Variants in MRPS31 observed in about 807,000 individuals in gnomAD.
MRPS31 encodes the protein mitochondrial ribosomal protein S31, also known as small ribosomal subunit protein mS31.
A neutral mutation model predicts 43.1 loss-of-function variants in MRPS31; 32 were observed. The observed-to-expected ratio is 0.74, with a 90% CI of 0.56 to 1.00. The LOEUF (loss-of-function observed/expected upper bound fraction) is 1.00. Among genes scored for constraint, MRPS31 ranks in the 50% least tolerant of loss-of-function variants. MRPS31 has a pLI of 0.00. For missense variants in MRPS31, 437 were observed against 466.7 expected (o/e 0.94, Z 0.59); for synonymous variants, 165 against 161.6 (o/e 1.02, Z -0.16).
Position 40,767,042 on chromosome 13 carries a change from A to G in MRPS31, c.153-9T>C. ...GGATGTTATTTTTTGTCCTGGAAAG[A>G]TGCATTAAAGAAAAAAATGAAAAAT... On this transcript the variant is annotated splice_polypyrimidine_tract_variant and intron_variant, in intron 1 of 6. Transcript: ENST00000323563. The G allele has an allele frequency of 1.9e-6, 3 of 1,587,386 alleles. No homozygotes were observed. Among genetic ancestry groups the G allele is most frequent in the Non-Finnish European group, 2.6e-6 (3 of 1,170,714 alleles).
intron 4 of MRPS31, 41 bp from the exon 5 acceptor site, chr13:40,754,133 T>C: frequency 8.9e-7 from 1 of 1,127,814 alleles, no homozygotes. Context: ...ATGAATATAT[T>C]TTAAACTGTC....
chr13:40,753,758 G>A (rs1210303499), intron 5 of MRPS31, among the ~76,000 whole-genome samples: 1 of 152,230 alleles, frequency 6.6e-6, no homozygotes. Context: ...GGAATGTCCA[G>A]TATGTAATGT....
At chr13:40,736,995 TAA>T (rs2137995328) in intron 6 of MRPS31, among the ~76,000 whole-genome samples, 2 of 151,440 alleles carry the variant, frequency 1.3e-5, no homozygotes, top group Non-Finnish European at 3.0e-5. Flanking sequence ...GCAAATTGGA[TAA>T]AGAGTCAAGA....
chr13:40,753,942 A>G (rs1311292377), intron 5 of MRPS31, 77 bp downstream of exon 5: 10 of 913,698 alleles, frequency 1.1e-5, no homozygotes, highest in African/African-American at 1.7e-5. Flanking sequence ...AAAATATCCA[A>G]ACTATTAGAA....
Position 40,729,229 on chromosome 13 carries a change from A to G in MRPS31, c.*143T>C. Reference sequence around the variant, plus strand: ...CATGCAAGAATATTTTTCAGTTACCATCATATTTTTGAAAACAATGTAACA... The same window carrying G: ...CATGCAAGAATATTTTTCAGTTACCGTCATATTTTTGAAAACAATGTAACA... On this transcript the variant is annotated 3_prime_UTR_variant, in exon 7 of 7. Coordinates refer to ENST00000323563, the MANE Select transcript of MRPS31 (RefSeq NM_005830.4). 3.9e-6 allele frequency: 2 copies of G among 515,392 alleles called. No individual in the cohort carries two copies. The highest frequency in any genetic ancestry group is 6.8e-6 in the Non-Finnish European group (2 of 296,066). The allele number at this position is 515,392 out of a possible 1,614,324, so 31.9% of individuals were successfully genotyped here. A position where few individuals can be genotyped will look rare whatever the true frequency, so the allele number is the denominator to read the frequency against.
chr13:40,734,131 G>A (rs1390766682), intron 6 of MRPS31, among the ~76,000 whole-genome samples: 3 of 152,048 alleles, frequency 2.0e-5, no homozygotes, highest in African/African-American at 2.4e-5. Flanking sequence ...AGACAATGGA[G>A]CAAAGGCTTA....
intron 2 of MRPS31, among the ~76,000 whole-genome samples, chr13:40,766,230 T>C (rs1880840924): frequency 1.3e-5 from 2 of 152,236 alleles, no homozygotes; most frequent in Admixed American, 1.3e-4. Flanking sequence ...CTGGATTGTG[T>C]ACAGATATCC....
chr13:40,729,474 T>G lies in MRPS31; in HGVS notation c.1086A>C (p.Pro362=). The G allele has an allele frequency of 6.2e-7, 1 of 1,612,904 alleles. No homozygotes were observed. Among genetic ancestry groups the G allele is most frequent in the African/African-American group, 1.3e-5 (1 of 75,026 alleles). The stretch of plus-strand genomic sequence containing the variant: ...CAACCTTCTGTTTAACACTAAGATA[T>G]GGGTTTTTGGAAAGGCCACAAGTCA... ...ELVTCGLSKN[P]YLSVKQKVEH... Residue 362 remains proline, a synonymous_variant, in exon 7 of 7, where the codon CCA becomes CCC. Transcript: ENST00000323563.
chr13:40,750,417 C>T (rs1328816392), intron 5 of MRPS31, among the ~76,000 whole-genome samples: 1 of 151,876 alleles, frequency 6.6e-6, no homozygotes, highest in Non-Finnish European at 1.5e-5. Flanking sequence ...CACAAGGAAA[C>T]TTTGGAGGGT....
chr13:40,747,100 GCA>G (rs1262933874), intron 6 of MRPS31, among the ~76,000 whole-genome samples: 1 of 150,502 alleles, frequency 6.6e-6, no homozygotes, highest in East Asian at 1.9e-4. Flanking sequence ...TTTTTTTGAG[GCA>G]CAGTTTCGCT....
chr13:40,759,259 A>C (rs1293239785), intron 2 of MRPS31, among the ~76,000 whole-genome samples, 153 bp from the exon 3 acceptor site: 1 of 152,168 alleles, frequency 6.6e-6, no homozygotes, highest in Admixed American at 6.5e-5. Flanking sequence ...CAACATGGTG[A>C]AACCCCATTT....
intron 6 of MRPS31, among the ~76,000 whole-genome samples, chr13:40,738,739 C>CA (rs373586198): frequency 1.4e-5 from 2 of 139,076 alleles, no homozygotes; most frequent in Admixed American, 7.6e-5. Flanking sequence ...AATTCAACAA[C>CA]CTTCATGCTA....
At chr13:40,754,811 C>T (rs1383630969) in intron 4 of MRPS31, among the ~76,000 whole-genome samples, 1 of 152,124 alleles carries the variant, frequency 6.6e-6, no homozygotes, top group African/African-American at 2.4e-5. Context: ...GGTAGATTAC[C>T]TGAGGTCAGG....
intron 4 of MRPS31, among the ~76,000 whole-genome samples, chr13:40,756,306 T>C (rs957348979): frequency 2.0e-5 from 3 of 152,230 alleles, no homozygotes; most frequent in Non-Finnish European, 4.4e-5. Context: ...AGAACAACTT[T>C]AGATTCTAAA....
At chr13:40,752,596 T>A (rs1880421646) in intron 5 of MRPS31, among the ~76,000 whole-genome samples, 1 of 152,172 alleles carries the variant, frequency 6.6e-6, no homozygotes, top group African/African-American at 2.4e-5. Flanking sequence ...GTAAGCCACA[T>A]GAGTAGGTGC....
rs1879598302 is a variant in MRPS31, at chr13:40,729,416, C to A, written c.1144G>T (p.Glu382Ter). ...CTTTCTTTTAGAATATCCTTTTTTT[C>A]ATTAAAATAATTTCTAAACCACTCT... Reference protein sequence around the residue: ...HIEWFRNYFNEKKDILKESNI... With the variant: ...HIEWFRNYFN Residue 382 changes from glutamate to a stop codon, truncating the protein, a stop_gained, in exon 7 of 7, where the codon GAA becomes TAA. Transcript: ENST00000323563. LOFTEE classifies it high-confidence loss of function. 6.4e-7 allele frequency: 1 copy of A among 1,570,592 alleles called. No individual in the cohort carries two copies. The highest frequency in any genetic ancestry group is 1.4e-5 in the African/African-American group (1 of 73,070).
rs201190639 is a variant in MRPS31, at chr13:40,769,373, CATATATATATATATATAT to C, written c.152+1594_152+1611del. 8.6e-3 allele frequency among the ~76,000 whole-genome samples: 563 copies of C among 65,632 alleles called. 13 individuals carry two copies. The highest frequency in any genetic ancestry group is 0.015 in the African/African-American group (330 of 22,394). 43.1% of individuals were successfully genotyped at this position (65,632 alleles called of 152,430 possible). Reference sequence around the variant, plus strand: ...CTAAGCGACAGAGCAAGACTCTGTCCATATATATATATATATATATATATATATATATATATATATATA... The same window carrying C: ...CTAAGCGACAGAGCAAGACTCTGTCCATATATATATATATATATATATATA... On this transcript the variant is annotated intron_variant, in intron 1 of 6. Coordinates refer to ENST00000323563, the MANE Select transcript of MRPS31 (RefSeq NM_005830.4).
chr13:40,757,362 ATTTATTTGTTGCTT>A (rs1302546538), intron 3 of MRPS31, among the ~76,000 whole-genome samples: 2 of 150,654 alleles, frequency 1.3e-5, no homozygotes, highest in African/African-American at 4.9e-5. Context: ...AGTTAGCCAT[ATTTATTTGTTGCTT>A]TTTATTTGTT....
At chr13:40,736,185 T>C (rs1879899257) in intron 6 of MRPS31, among the ~76,000 whole-genome samples, 2 of 151,572 alleles carry the variant, frequency 1.3e-5, no homozygotes, top group South Asian at 2.1e-4. Flanking sequence ...GTATCAGCAA[T>C]GGAAGATGAA....
Sources: allele counts gnomAD v4.1 joint callset (sites outside exome capture counted in the v4.1 genomes callset), GRCh38; gene constraint gnomAD v4.1.1; transcripts MANE v1.5; gene names NCBI Gene and HGNC (gene_info 2026-07-23, HGNC 2026-07-21).